The following DLG2 variants were observed in gnomAD, a reference collection of about 807,000 sequenced individuals.
DLG2 encodes discs large MAGUK scaffold protein 2, also known as disks large homolog 2.
DLG2 carries 45 observed loss-of-function variants against 132.5 expected under a neutral mutation model. That is an observed-to-expected ratio of 0.34 (90% CI 0.27 to 0.44). The LOEUF (loss-of-function observed/expected upper bound fraction) is 0.44, where lower values mean the gene tolerates loss of function less well. Ranked by LOEUF, DLG2 falls within the 20% of genes least tolerant of loss-of-function variation. The pLI is 1.00. For missense variants in DLG2, 1,045 were observed against 1,196.9 expected (o/e 0.87, Z 1.87); for synonymous variants, 424 against 419.6 (o/e 1.01, Z -0.13).
Position 83,840,035 on chromosome 11 carries a change from A to G in DLG2, c.1566-6265T>C, listed in dbSNP as rs559531937. Reference sequence around the variant, plus strand: ...CTGCTTAAACGTCTCCAGGCACCCTATGTTCCAGCCACATCAAAGTCCCTG... The same window carrying G: ...CTGCTTAAACGTCTCCAGGCACCCTGTGTTCCAGCCACATCAAAGTCCCTG... On this transcript the variant is annotated intron_variant, in intron 16 of 27. Coordinates refer to ENST00000376104, the MANE Select transcript of DLG2 (RefSeq NM_001142699.3). Among the ~76,000 whole-genome samples the G allele has an allele frequency of 5.9e-5, 9 of 152,336 alleles. No homozygotes were observed. In the South Asian group the frequency reaches 1.9e-3, roughly 32 times the overall value.
chr11:84,543,657 C>T (rs965462006), intron 6 of DLG2, among the ~76,000 whole-genome samples: 6 of 152,038 alleles, frequency 3.9e-5, no homozygotes, highest in African/African-American at 1.5e-4. Flanking sequence ...GATCTATCTT[C>T]AAAATAATCA....
At position 85,265,658 on chromosome 11, in the gene DLG2, C is replaced by G. The variant is rs577320081; in HGVS notation, c.186+19562G>C. On this transcript the variant is annotated intron_variant, in intron 4 of 27. Coordinates refer to ENST00000376104, the MANE Select transcript of DLG2 (RefSeq NM_001142699.3). ...TGCCTGCTCTCTTGATTGGTTCTTT[C>G]TGATTAATGTCTTTTTACCAATCAA... Among the ~76,000 whole-genome samples the G allele has an allele frequency of 3.9e-5, 6 of 152,330 alleles. No individual in the cohort carries two copies. The South Asian group carries it at 1.2e-3, about 32-fold the overall frequency.
chr11:85,293,047 T>C (rs1278057066), intron 3 of DLG2, among the ~76,000 whole-genome samples: 1 of 152,110 alleles, frequency 6.6e-6, no homozygotes, highest in African/African-American at 2.4e-5. Flanking sequence ...AGTCATGGGA[T>C]ATAACCTTTT....
At chr11:84,597,369 T>G (rs1003065628) in intron 6 of DLG2, among the ~76,000 whole-genome samples, 2 of 152,216 alleles carry the variant, frequency 1.3e-5, no homozygotes, top group Non-Finnish European at 2.9e-5. Flanking sequence ...TGACCACTAT[T>G]ATTATTAGAC....
intron 7 of DLG2, among the ~76,000 whole-genome samples, chr11:84,491,467 C>G (rs2099165007): frequency 1.3e-5 from 2 of 152,084 alleles, no homozygotes; most frequent in Non-Finnish European, 2.9e-5. Context: ...ATTGCCCAGT[C>G]TTGGGTATGT....
chr11:84,935,446 G>C (rs1345334079), intron 6 of DLG2, among the ~76,000 whole-genome samples: 1 of 152,114 alleles, frequency 6.6e-6, no homozygotes, highest in Non-Finnish European at 1.5e-5. Flanking sequence ...TTTAGAATCA[G>C]GTATCACTTC....
rs555669628 is a variant in DLG2, at chr11:83,754,738, A to G, written c.1825+31952T>C. Reference sequence around the variant, plus strand: ...CAAAGATTTCACTGAAACACAAGATACAGGAGGAAACAATTTGCCATGTGA... The same window carrying G: ...CAAAGATTTCACTGAAACACAAGATGCAGGAGGAAACAATTTGCCATGTGA... On this transcript the variant is annotated intron_variant, in intron 18 of 27. Transcript: ENST00000376104. 9.7e-4 allele frequency among the ~76,000 whole-genome samples: 147 copies of G among 151,506 alleles called. 6 individuals carry two copies. The highest frequency in any genetic ancestry group is 3.4e-3 in the Middle Eastern group (1 of 294).
At chr11:84,403,302 C>T (rs558101624) in intron 7 of DLG2, among the ~76,000 whole-genome samples, 1 of 152,268 alleles carries the variant, frequency 6.6e-6, no homozygotes, top group South Asian at 2.1e-4. Context: ...CAAATTCATA[C>T]CCTGCCTCAA....
chr11:85,254,873 C>A (rs556488140), intron 4 of DLG2, among the ~76,000 whole-genome samples: 2 of 151,792 alleles, frequency 1.3e-5, no homozygotes, highest in African/African-American at 4.8e-5. Flanking sequence ...TGGTGGCAGG[C>A]GTGTAGTCCC....
Position 84,004,414 on chromosome 11 carries a change from C to G in DLG2, c.920-23772G>C, listed in dbSNP as rs2094485716. Among the ~76,000 whole-genome samples, 3 of 151,940 alleles carry G rather than the reference C, an allele frequency of 2.0e-5. No individual in the cohort carries two copies. The South Asian group carries it at 6.2e-4, about 32-fold the overall frequency. On this transcript the variant is annotated intron_variant, in intron 11 of 27. Transcript: ENST00000376104. ...CTTCATAATAAAAATGTTCAACAAG[C>G]TAGGCAGAGAAAAAATATACTTCCA... is the stretch of plus-strand genomic sequence containing the variant.
At chr11:85,203,060 A>G (rs1017119831) in intron 4 of DLG2, among the ~76,000 whole-genome samples, 2 of 150,618 alleles carry the variant, frequency 1.3e-5, no homozygotes, top group Non-Finnish European at 3.0e-5. Context: ...TTAATAATAA[A>G]TATCAGTTCT....
intron 4 of DLG2, among the ~76,000 whole-genome samples, chr11:85,158,509 C>T (rs1310094885): frequency 6.6e-6 from 1 of 152,098 alleles, no homozygotes; most frequent in East Asian, 1.9e-4. Flanking sequence ...CCAGACGATA[C>T]ATTCTTGACC....
At chr11:85,079,879 C>G (rs1374722467) in intron 6 of DLG2, among the ~76,000 whole-genome samples, 1 of 152,086 alleles carries the variant, frequency 6.6e-6, no homozygotes, top group Non-Finnish European at 1.5e-5. Context: ...ATCCACCTGT[C>G]TCAGCTTCCC....
At chr11:84,900,760 A>G (rs1433426123) in intron 6 of DLG2, among the ~76,000 whole-genome samples, 1 of 152,028 alleles carries the variant, frequency 6.6e-6, no homozygotes, top group Non-Finnish European at 1.5e-5. Flanking sequence ...TGCAACAGAA[A>G]TGAAAATATA....
chr11:84,463,838 G>A (rs931333815), intron 7 of DLG2, among the ~76,000 whole-genome samples: 6 of 151,144 alleles, frequency 4.0e-5, no homozygotes, highest in Middle Eastern at 6.8e-3. Flanking sequence ...GAAAATAAGA[G>A]GCATACAATA....
chr11:84,531,550 A>C (rs1251632328), intron 7 of DLG2, among the ~76,000 whole-genome samples: 5 of 152,196 alleles, frequency 3.3e-5, no homozygotes, highest in Admixed American at 2.6e-4. Context: ...CACCTCGAGA[A>C]GGTCATGATG....
intron 6 of DLG2, among the ~76,000 whole-genome samples, chr11:84,956,898 G>C (rs2051754411): frequency 6.6e-6 from 1 of 152,074 alleles, no homozygotes; most frequent in Non-Finnish European, 1.5e-5. Context: ...TCTTCAGAGA[G>C]GTAAATCTAT....
chr11:83,782,949 G>T (rs2094896526), intron 18 of DLG2, among the ~76,000 whole-genome samples: 1 of 152,070 alleles, frequency 6.6e-6, no homozygotes, highest in Non-Finnish European at 1.5e-5. Flanking sequence ...CACTAACTGG[G>T]TATAGGTAAT....
At chr11:83,756,668 G>T (rs1463687706) in intron 18 of DLG2, among the ~76,000 whole-genome samples, 1 of 151,316 alleles carries the variant, frequency 6.6e-6, no homozygotes, top group African/African-American at 2.5e-5. Flanking sequence ...AAACAGAACA[G>T]TATCTTATAC....
Sources: gnomAD v4.1 joint callset for allele counts (sites outside exome capture counted in the v4.1 genomes callset) on GRCh38, gnomAD v4.1.1 for gene constraint, MANE v1.5 for transcripts, NCBI Gene and HGNC (gene_info 2026-07-23, HGNC 2026-07-21) for gene names.